The following SCD5 variants were observed in gnomAD, a reference collection of about 807,000 sequenced individuals.
SCD5 encodes stearoyl-CoA desaturase 5.
In SCD5, 20 loss-of-function variants were observed where a neutral mutation model predicts 30.4. The ratio of observed to expected loss-of-function variants is 0.66; its 90% CI spans 0.46 to 0.96. The LOEUF (loss-of-function observed/expected upper bound fraction) is 0.96, where lower values mean the gene tolerates loss of function less well. SCD5 is among the 40% of genes least tolerant of loss of function. The pLI, the probability that SCD5 is intolerant of heterozygous loss-of-function variation, is 0.00. For missense variants in SCD5, 381 were observed against 443.3 expected (o/e 0.86, Z 1.26); for synonymous variants, 173 against 176.4 (o/e 0.98, Z 0.16).
rs1340776492 is a variant in SCD5, at chr4:82,712,978, A to G, written c.233-7565T>C. On this transcript the variant is annotated intron_variant, in intron 1 of 4. Transcript: ENST00000319540. The stretch of plus-strand genomic sequence containing the variant: ...TGTTGGAGACTGCAAGCTGAGAAGC[A>G]AAGGGTTTCTTCTTACTATTAAAAC... Among the ~76,000 whole-genome samples, 4 of 152,228 alleles carry G rather than the reference A, an allele frequency of 2.6e-5. No homozygotes were observed. In the East Asian group the frequency reaches 7.7e-4, roughly 29 times the overall value.
chr4:82,783,885 A>G (rs905501186), intron 1 of SCD5, among the ~76,000 whole-genome samples: 5 of 152,140 alleles, frequency 3.3e-5, no homozygotes, highest in African/African-American at 7.2e-5. Context: ...CCAGATTTTG[A>G]TAACTGTGCT....
At chr4:82,671,037 C>A (rs72661238) in intron 3 of SCD5, among the ~76,000 whole-genome samples, 1 of 151,936 alleles carries the variant, frequency 6.6e-6, no homozygotes, top group Non-Finnish European at 1.5e-5. Context: ...TAAAACTAAA[C>A]GAATGGAGAA....
intron 1 of SCD5, among the ~76,000 whole-genome samples, chr4:82,744,442 A>G (rs756440330): frequency 6.6e-6 from 1 of 152,210 alleles, no homozygotes; most frequent in Non-Finnish European, 1.5e-5. Flanking sequence ...AGGTTTCCCC[A>G]GGCACTTAAG....
chr4:82,704,827 C>G (rs117798766), intron 2 of SCD5, among the ~76,000 whole-genome samples: 2 of 152,314 alleles, frequency 1.3e-5, no homozygotes, highest in East Asian at 3.9e-4. Flanking sequence ...GAATGTACTG[C>G]TTTTTAGGCA....
chr4:82,632,778 T>C (rs201873238), intron 4 of SCD5, among the ~76,000 whole-genome samples: 2 of 27,504 alleles, frequency 7.3e-5, no homozygotes, highest in Non-Finnish European at 2.6e-4. Flanking sequence ...TGCATGACTC[T>C]CTCACTTTTT....
chr4:82,650,838 TAA>T (rs34849105), intron 3 of SCD5, among the ~76,000 whole-genome samples: 114,763 of 151,282 alleles, frequency 0.76, 44,372 homozygotes, highest in East Asian at 0.99. Flanking sequence ...TAATTATATA[TAA>T]GATTACATAT....
chr4:82,720,435 C>CAAAAAAAAAAAAAA (rs1720343333), intron 1 of SCD5, among the ~76,000 whole-genome samples: 1 of 14,398 alleles, frequency 6.9e-5, no homozygotes, highest in Non-Finnish European at 1.2e-4. Context: ...TCAAAAAAGG[C>CAAAAAAAAAAAAAA]AAAAATAAAA....
At chr4:82,791,807 A>AAAC (rs368698266) in intron 1 of SCD5, among the ~76,000 whole-genome samples, 2,233 of 152,162 alleles carry the variant, frequency 0.015, 26 homozygotes, top group South Asian at 0.03. Context: ...TAGATCCTTA[A>AAAC]AACAACAACA....
At chr4:82,740,359 G>A (rs1055408783) in intron 1 of SCD5, among the ~76,000 whole-genome samples, 1 of 152,210 alleles carries the variant, frequency 6.6e-6, no homozygotes, top group Non-Finnish European at 1.5e-5. Context: ...AGGGGAGAAA[G>A]GATGGGAGTG....
intron 1 of SCD5, among the ~76,000 whole-genome samples, chr4:82,729,344 G>C (rs1490934717): frequency 6.6e-6 from 1 of 152,178 alleles, no homozygotes; most frequent in Non-Finnish European, 1.5e-5. Context: ...TGGAGGAGGA[G>C]GGAGGCTGGC....
At chr4:82,641,948 C>T (rs1278566424) in intron 3 of SCD5, among the ~76,000 whole-genome samples, 2 of 152,026 alleles carry the variant, frequency 1.3e-5, no homozygotes, top group Non-Finnish European at 2.9e-5. Flanking sequence ...AGAGCTCTGT[C>T]TTGGACACGG....
intron 2 of SCD5, among the ~76,000 whole-genome samples, chr4:82,699,372 G>A (rs1719764808): frequency 6.6e-6 from 1 of 152,006 alleles, no homozygotes; most frequent in African/African-American, 2.4e-5. Flanking sequence ...TACCTACTTT[G>A]TAGGGGCATT....
chr4:82,780,797 C>G (rs1248040393), intron 1 of SCD5, among the ~76,000 whole-genome samples: 2 of 152,260 alleles, frequency 1.3e-5, no homozygotes, highest in Non-Finnish European at 2.9e-5. Flanking sequence ...TGAAGAAACA[C>G]CTGGCCACCC....
chr4:82,683,765 A>G (rs1335939353), intron 2 of SCD5, among the ~76,000 whole-genome samples: 1 of 152,014 alleles, frequency 6.6e-6, no homozygotes, highest in Non-Finnish European at 1.5e-5. Flanking sequence ...TTCTCACGAG[A>G]TCTGATGGTT....
intron 1 of SCD5, among the ~76,000 whole-genome samples, chr4:82,743,207 C>A (rs1408179852): frequency 2.0e-5 from 3 of 152,052 alleles, no homozygotes; most frequent in African/African-American, 4.8e-5. Context: ...GGAGGATAGT[C>A]TATTTCCTAA....
At chr4:82,784,266 C>T (rs936836506) in intron 1 of SCD5, among the ~76,000 whole-genome samples, 1 of 152,094 alleles carries the variant, frequency 6.6e-6, no homozygotes, top group African/African-American at 2.4e-5. Flanking sequence ...AAAAAATTAC[C>T]TATACAACGC....
chr4:82,654,520 T>G (rs1727828782), intron 3 of SCD5, among the ~76,000 whole-genome samples: 1 of 152,240 alleles, frequency 6.6e-6, no homozygotes, highest in South Asian at 2.1e-4. Flanking sequence ...TAAAACATTT[T>G]TTTTTGAAGG....
At chr4:82,780,753 CT>C (rs1721849395) in intron 1 of SCD5, among the ~76,000 whole-genome samples, 1 of 152,248 alleles carries the variant, frequency 6.6e-6, no homozygotes, top group South Asian at 2.1e-4. Flanking sequence ...AAAAATTTAT[CT>C]GAGTCCAAAA....
chr4:82,660,061 A>G (rs902935178), intron 3 of SCD5: 1 of 152,206 alleles, frequency 6.6e-6, no homozygotes, highest in Non-Finnish European at 1.5e-5. Flanking sequence ...AACAAAGATC[A>G]AAAAAGACAA....
Sources: gnomAD v4.1 joint callset for allele counts (sites outside exome capture counted in the v4.1 genomes callset) on GRCh38, gnomAD v4.1.1 for gene constraint, MANE v1.5 for transcripts, NCBI Gene and HGNC (gene_info 2026-07-23, HGNC 2026-07-21) for gene names.